Variants in KATNIP observed in about 807,000 individuals in gnomAD.
KATNIP encodes katanin-interacting protein.
Under a neutral mutation model 174.0 loss-of-function variants are expected in KATNIP, and 126 were observed. That is an observed-to-expected ratio of 0.72 (90% CI 0.63 to 0.84). The LOEUF (loss-of-function observed/expected upper bound fraction) is 0.84. KATNIP is among the 40% of genes least tolerant of loss of function. The probability of loss-of-function intolerance (pLI) is 0.00; values close to 1 mark genes in which losing one functional copy is unlikely to be tolerated. For missense variants in KATNIP, 1,958 were observed against 2,109.7 expected, an observed-to-expected ratio of 0.93 and a Z score of 1.41; for synonymous variants, 810 against 835.7, an observed-to-expected ratio of 0.97 and a Z score of 0.53.
At chr16:27,737,392 AAAG>A (rs2080935876) in intron 14 of KATNIP, among the ~76,000 whole-genome samples, 1 of 152,122 alleles carries the variant, frequency 6.6e-6, no homozygotes, top group Admixed American at 6.5e-5. Flanking sequence ...CTTAAAAAAA[AAAG>A]AGAGCATTCT....
At chr16:27,657,296 G>A (rs941195844) in intron 6 of KATNIP, among the ~76,000 whole-genome samples, 4 of 152,110 alleles carry the variant, frequency 2.6e-5, no homozygotes, top group Non-Finnish European at 5.9e-5. Flanking sequence ...GTGAATATAC[G>A]TGAAGGGTAT....
chr16:27,750,498 C>G (rs1379240232), intron 16 of KATNIP, among the ~76,000 whole-genome samples, 192 bp downstream of exon 16: 2 of 150,468 alleles, frequency 1.3e-5, no homozygotes, highest in Non-Finnish European at 3.0e-5. Flanking sequence ...TGGCTCACTG[C>G]AAGATCCGCC....
At chr16:27,663,777 T>A (rs2077599491) in intron 6 of KATNIP, among the ~76,000 whole-genome samples, 1 of 152,012 alleles carries the variant, frequency 6.6e-6, no homozygotes, top group Admixed American at 6.6e-5. Context: ...CTAATTGGCT[T>A]ATTAGTTTAG....
rs1343346437 is a variant in KATNIP at position 27,681,467 on chromosome 16, C to T, written c.877C>T (p.Pro293Ser). ...TGCTGAGGTTTTCGTTCCCACCAAA[C>T]CTGAGCCAAACCTGACTCCCCAAGC... ...DNAEVFVPTKPEPNLTPQAPA... is the reference protein window; with the variant it reads ...DNAEVFVPTKSEPNLTPQAPA... The change falls in exon 8 of 28, where the codon CCT (proline) becomes TCT (serine). Residue 293 changes from proline (P) to serine (S), a missense_variant. Pro to Ser is a moderately conservative substitution (Grantham distance 74). Transcript: ENST00000261588. 1 of 1,614,196 alleles carries T rather than the reference C, an allele frequency of 6.2e-7. No individual in the cohort carries two copies. Among genetic ancestry groups the T allele is most frequent in the East Asian group, 2.2e-5 (1 of 44,884 alleles).
intron 2 of KATNIP, among the ~76,000 whole-genome samples, chr16:27,600,887 G>A (rs982493503): frequency 6.6e-6 from 1 of 151,870 alleles, no homozygotes; most frequent in Non-Finnish European, 1.5e-5. Flanking sequence ...ACACCACCAC[G>A]CCCAGCTAAT....
intron 2 of KATNIP, among the ~76,000 whole-genome samples, chr16:27,602,398 C>T (rs374221633): frequency 3.3e-5 from 5 of 152,306 alleles, no homozygotes; most frequent in African/African-American, 7.2e-5. Context: ...ACTCCCCTGC[C>T]TTGTTCAGTC....
chr16:27,666,721 C>T (rs532493369), intron 6 of KATNIP, among the ~76,000 whole-genome samples: 15 of 152,160 alleles, frequency 9.9e-5, no homozygotes, highest in Non-Finnish European at 2.2e-4. Context: ...GTCGGGAATG[C>T]GATTTTTAAA....
At chr16:27,693,066 A>G (rs575251374) in intron 8 of KATNIP, among the ~76,000 whole-genome samples, 2 of 152,048 alleles carry the variant, frequency 1.3e-5, no homozygotes, top group Admixed American at 1.3e-4. Context: ...TCCTTTTTGC[A>G]CTGAGTAAGG....
intron 8 of KATNIP, among the ~76,000 whole-genome samples, chr16:27,690,382 T>A (rs1426356832): frequency 1.3e-5 from 2 of 150,488 alleles, no homozygotes; most frequent in Admixed American, 1.3e-4. Context: ...GATAGATAGA[T>A]AGATAGAAAA....
chr16:27,779,955 T>A lies in KATNIP; in HGVS notation c.*1326T>A, dbSNP rs995562629. 1 of 152,178 alleles carries A rather than the reference T, an allele frequency of 6.6e-6. No individual in the cohort carries two copies. Among genetic ancestry groups the A allele is most frequent in the African/African-American group, 2.4e-5 (1 of 41,440 alleles). The allele number at this position is 152,178 out of a possible 1,614,324, so 9.4% of individuals were successfully genotyped here. On this transcript the variant is annotated 3_prime_UTR_variant, in exon 28 of 28. Coordinates refer to ENST00000261588, the MANE Select transcript of KATNIP (RefSeq NM_015202.5). ...GCAGCTATGCAAACGCGCTTTTCATTTGGAGCACGGGGCTGATGTGAAGAT... is the reference window on the plus strand; with the variant it reads ...GCAGCTATGCAAACGCGCTTTTCATATGGAGCACGGGGCTGATGTGAAGAT...
At chr16:27,639,354 T>C (rs1439541927) in intron 5 of KATNIP, among the ~76,000 whole-genome samples, 1 of 152,150 alleles carries the variant, frequency 6.6e-6, no homozygotes, top group Non-Finnish European at 1.5e-5. Flanking sequence ...ACTGTCCTTT[T>C]CCCCCCACCA....
chr16:27,592,924 A>C (rs1446314380), intron 2 of KATNIP, among the ~76,000 whole-genome samples: 1 of 152,320 alleles, frequency 6.6e-6, no homozygotes, highest in East Asian at 1.9e-4. Flanking sequence ...GGTTAAAAAA[A>C]TAAACTTAGT....
At chr16:27,761,893 C>T (rs576321380) in intron 19 of KATNIP, among the ~76,000 whole-genome samples, 2 of 152,144 alleles carry the variant, frequency 1.3e-5, no homozygotes, top group Admixed American at 6.5e-5. Context: ...CAGAGCGTCT[C>T]GCACACAGTA....
At chr16:27,630,402 A>C (rs920169041) in intron 4 of KATNIP, among the ~76,000 whole-genome samples, 3 of 152,254 alleles carry the variant, frequency 2.0e-5, no homozygotes, top group African/African-American at 7.2e-5. Context: ...CAAGCCATTA[A>C]TATATAGTAA....
chr16:27,743,754 G>T (rs765925471), intron 15 of KATNIP, among the ~76,000 whole-genome samples: 1 of 152,106 alleles, frequency 6.6e-6, no homozygotes, highest in African/African-American at 2.4e-5. Context: ...AGACAGTAAG[G>T]GTTAAAGCAG....
intron 2 of KATNIP, among the ~76,000 whole-genome samples, chr16:27,608,226 CTTTTTTTTTTTT>C (rs35752811): frequency 9.1e-6 from 1 of 109,858 alleles, no homozygotes. Context: ...TGGTAAAATT[CTTTTTTTTTTTT>C]TTTTTTTTTT....
At chr16:27,737,017 C>T (rs2080923321) in intron 14 of KATNIP, among the ~76,000 whole-genome samples, 2 of 152,006 alleles carry the variant, frequency 1.3e-5, no homozygotes, top group African/African-American at 2.4e-5. Flanking sequence ...TTTTAGCAAC[C>T]GCTCGAATGA....
intron 10 of KATNIP, among the ~76,000 whole-genome samples, chr16:27,700,047 A>AT (rs905982387): frequency 6.6e-6 from 1 of 151,954 alleles, no homozygotes; most frequent in African/African-American, 2.4e-5. Context: ...AGTAGCTGGG[A>AT]TTACAGGCGC....
chr16:27,648,777 C>T (rs367631514), intron 6 of KATNIP, 42 bp downstream of exon 6: 12 of 1,595,564 alleles, frequency 7.5e-6, no homozygotes, highest in African/African-American at 4.0e-5. Flanking sequence ...ACCTGAAGGA[C>T]GGCGAGGCTC....
Sources: gnomAD v4.1 joint callset for allele counts (sites outside exome capture counted in the v4.1 genomes callset) on GRCh38, gnomAD v4.1.1 for gene constraint, MANE v1.5 for transcripts, NCBI Gene and HGNC (gene_info 2026-07-23, HGNC 2026-07-21) for gene names.